ADAM29: variants seen among roughly 807,000 people sequenced by gnomAD.
ADAM29 encodes disintegrin and metalloproteinase domain-containing protein 29.
For missense variants in ADAM29, 969 were observed against 1,001.8 expected, an observed-to-expected ratio of 0.97 and a Z score of 0.44; for synonymous variants, 367 against 342.3, an observed-to-expected ratio of 1.07 and a Z score of -0.80.
rs114696296 is a variant in ADAM29, at chr4:174,976,137, C to A, written c.612C>A (p.Val204=). The A allele has an allele frequency of 6.2e-7, 1 of 1,613,184 alleles. No homozygotes were observed. The highest frequency in any genetic ancestry group is 8.5e-7 in the Non-Finnish European group (1 of 1,179,894). ...WIHFRIVEIV[V]VIDNYLYIRY... is the part of the protein sequence containing the mutation. ...ATTTTAGGATTGTTGAAATTGTAGT[C>A]GTCATTGATAATTATCTGTACATTC... Residue 204 remains valine (V), a synonymous_variant, in exon 5 of 5, where the codon GTC becomes GTA. Coordinates refer to ENST00000359240, the MANE Select transcript of ADAM29 (RefSeq NM_014269.4).
At chr4:174,951,326 T>C (rs1745162863) in intron 4 of ADAM29, among the ~76,000 whole-genome samples, 2 of 152,192 alleles carry the variant, frequency 1.3e-5, no homozygotes, top group South Asian at 4.1e-4. Context: ...TAGCGTTGAT[T>C]ATTATTCTTT....
chr4:174,943,729 T>G (rs1466863938), intron 4 of ADAM29, among the ~76,000 whole-genome samples: 2 of 152,042 alleles, frequency 1.3e-5, no homozygotes, highest in African/African-American at 4.8e-5. Context: ...TCGTCCTGAA[T>G]TGGTTTGTTA....
rs540757145 is a variant in ADAM29 at position 174,922,194 on chromosome 4, A to G, written c.-451+1402A>G. Among the ~76,000 whole-genome samples the G allele has an allele frequency of 2.6e-5, 4 of 152,348 alleles. 1 individual carries two copies. The South Asian group carries it at 8.3e-4, about 32-fold the overall frequency. ...ATAAGCATAATGTAACTGTCACTAT[A>G]AAGTCTTAATAAACAAGTTGTAAAC... is the stretch of plus-strand genomic sequence containing the variant. On this transcript the variant is annotated intron_variant, in intron 2 of 4. Transcript: ENST00000359240.
At chr4:174,965,600 C>T (rs1035979504) in intron 4 of ADAM29, among the ~76,000 whole-genome samples, 2 of 151,916 alleles carry the variant, frequency 1.3e-5, no homozygotes, top group Non-Finnish European at 1.5e-5. Flanking sequence ...GAAATTGGCT[C>T]ATGTGATTAT....
At chr4:174,948,443 G>A (rs914016651) in intron 4 of ADAM29, among the ~76,000 whole-genome samples, 2 of 152,042 alleles carry the variant, frequency 1.3e-5, no homozygotes, top group African/African-American at 4.8e-5. Flanking sequence ...AGCTCAGCTC[G>A]GCACTCCTGG....
chr4:174,957,369 A>C (rs764307105), intron 4 of ADAM29, among the ~76,000 whole-genome samples: 1 of 151,834 alleles, frequency 6.6e-6, no homozygotes, highest in Non-Finnish European at 1.5e-5. Flanking sequence ...CTTAGATTTT[A>C]TCTCTTCACC....
chr4:174,953,718 TA>T (rs1190595750), intron 4 of ADAM29, among the ~76,000 whole-genome samples: 1 of 152,170 alleles, frequency 6.6e-6, no homozygotes, highest in African/African-American at 2.4e-5. Context: ...TTTTTATTAT[TA>T]TTTTTTTCTG....
intron 4 of ADAM29, among the ~76,000 whole-genome samples, chr4:174,947,219 T>C (rs922084401): frequency 6.6e-6 from 1 of 152,122 alleles, no homozygotes; most frequent in African/African-American, 2.4e-5. Flanking sequence ...TGTTGATCTT[T>C]TTATGGTTTC....
At chr4:174,954,105 A>C (rs1745351259) in intron 4 of ADAM29, among the ~76,000 whole-genome samples, 1 of 152,166 alleles carries the variant, frequency 6.6e-6, no homozygotes, top group Non-Finnish European at 1.5e-5. Context: ...TAAAATAAAA[A>C]TCCTCACAAT....
At chr4:174,923,560 T>TATAA (rs70947473) in intron 2 of ADAM29, among the ~76,000 whole-genome samples, 2 of 115,892 alleles carry the variant, frequency 1.7e-5, no homozygotes, top group African/African-American at 3.5e-5. Flanking sequence ...TATATATATA[T>TATAA]ACACACACAC....
At chr4:174,952,177 C>CA (rs1553974787) in intron 4 of ADAM29, among the ~76,000 whole-genome samples, 3 of 151,168 alleles carry the variant, frequency 2.0e-5, no homozygotes, top group African/African-American at 7.3e-5. Flanking sequence ...ACCTTATTGA[C>CA]TTTTTTTTTG....
intron 2 of ADAM29, chr4:174,923,769 C>T (rs747591983): frequency 1.3e-5 from 2 of 151,998 alleles, no homozygotes; most frequent in Non-Finnish European, 2.9e-5. Context: ...TCCCTAAACA[C>T]ACAAGCCTAG....
chr4:174,959,315 G>T (rs1267029927), intron 4 of ADAM29, among the ~76,000 whole-genome samples: 1 of 151,592 alleles, frequency 6.6e-6, no homozygotes, highest in Non-Finnish European at 1.5e-5. Context: ...TTATTTTAGG[G>T]GCGAAGTCAG....
chr4:174,921,364 G>A (rs1743153985), intron 2 of ADAM29, among the ~76,000 whole-genome samples: 1 of 152,136 alleles, frequency 6.6e-6, no homozygotes, highest in Non-Finnish European at 1.5e-5. Flanking sequence ...AGGACAAACT[G>A]GCCTCTGTAC....
chr4:174,974,400 G>A (rs1457102095), intron 4 of ADAM29, among the ~76,000 whole-genome samples: 2 of 152,154 alleles, frequency 1.3e-5, no homozygotes, highest in East Asian at 3.8e-4. Context: ...CAAGTCCAAA[G>A]GTCACTAGTC....
intron 4 of ADAM29, among the ~76,000 whole-genome samples, chr4:174,968,290 G>A (rs1419161565): frequency 2.6e-5 from 4 of 152,102 alleles, no homozygotes; most frequent in African/African-American, 9.7e-5. Flanking sequence ...TTAAGCAAGT[G>A]CATCAGTGGC....
rs113320088 is a variant in ADAM29 at position 174,937,891 on chromosome 4, G to A, written c.-181+878G>A. 4.1e-3 allele frequency among the ~76,000 whole-genome samples: 618 copies of A among 152,138 alleles called. 3 individuals are homozygous for A. Among genetic ancestry groups the A allele is most frequent in the Middle Eastern group, 0.017 (5 of 294 alleles). On this transcript the variant is annotated intron_variant, in intron 4 of 4. Coordinates refer to ENST00000359240, the MANE Select transcript of ADAM29 (RefSeq NM_014269.4). Reference sequence around the variant, plus strand: ...GACAAATTGCAATGTTAAAAGCCAGGAGTGAAAGAAGCAAGTGATACAGGT... The same window carrying A: ...GACAAATTGCAATGTTAAAAGCCAGAAGTGAAAGAAGCAAGTGATACAGGT...
rs186941269 is a variant in ADAM29 at position 174,966,493 on chromosome 4, G to T, written c.-180-8853G>T. Among the ~76,000 whole-genome samples the T allele has an allele frequency of 1.4e-4, 22 of 152,328 alleles. No homozygotes were observed. In the East Asian group the frequency reaches 3.7e-3, roughly 25 times the overall value. Reference sequence around the variant, plus strand: ...ATGCAATTTCAAAATACAGATATGGGACAGGAGTAGGATAGACATCCTATT... The same window carrying T: ...ATGCAATTTCAAAATACAGATATGGTACAGGAGTAGGATAGACATCCTATT... On this transcript the variant is annotated intron_variant, in intron 4 of 4. Transcript: ENST00000359240.
intron 2 of ADAM29, among the ~76,000 whole-genome samples, chr4:174,921,471 A>T (rs1375840286): frequency 2.0e-5 from 3 of 152,184 alleles, no homozygotes; most frequent in Non-Finnish European, 4.4e-5. Flanking sequence ...TGACAAACCC[A>T]TATGGGCATT....
Sources: gnomAD v4.1 joint callset for allele counts (sites outside exome capture counted in the v4.1 genomes callset) on GRCh38, gnomAD v4.1.1 for gene constraint, MANE v1.5 for transcripts, NCBI Gene and HGNC (gene_info 2026-07-23, HGNC 2026-07-21) for gene names.